The following EYS variants were observed in gnomAD, a reference collection of about 807,000 sequenced individuals.
EYS encodes EGF-like photoreceptor maintenance factor.
A neutral mutation model predicts 282.1 loss-of-function variants in EYS; 250 were observed. That is an observed-to-expected ratio of 0.89 (90% CI 0.80 to 0.98). EYS has a LOEUF of 0.98. EYS is among the 50% of genes least tolerant of loss of function. The pLI is 0.00. For missense variants in EYS, 4,016 were observed against 3,709.0 expected (o/e 1.08, Z -2.15); for synonymous variants, 1,355 against 1,282.9 (o/e 1.06, Z -1.20).
intron 12 of EYS, among the ~76,000 whole-genome samples, chr6:65,199,639 A>C (rs1186932271): frequency 2.0e-5 from 3 of 152,154 alleles, no homozygotes; most frequent in Admixed American, 6.5e-5. Flanking sequence ...TGTAGATAAC[A>C]TTATTCTGTT....
intron 12 of EYS, among the ~76,000 whole-genome samples, chr6:65,109,530 G>T (rs1424072900): frequency 6.6e-6 from 1 of 151,808 alleles, no homozygotes; most frequent in South Asian, 2.1e-4. Flanking sequence ...TGTGCTTAAG[G>T]TATTAGTTGG....
chr6:65,628,103 CCA>C (rs1010002412), intron 2 of EYS, among the ~76,000 whole-genome samples: 4 of 152,072 alleles, frequency 2.6e-5, no homozygotes, highest in African/African-American at 9.7e-5. Context: ...TGTGAGTGCA[CCA>C]GTGGACACTC....
intron 22 of EYS, among the ~76,000 whole-genome samples, chr6:64,627,505 T>C (rs1767645286): frequency 6.6e-6 from 1 of 152,200 alleles, no homozygotes; most frequent in Non-Finnish European, 1.5e-5. Flanking sequence ...TACTGAAAAC[T>C]TATTCACAAT....
intron 2 of EYS, among the ~76,000 whole-genome samples, chr6:65,610,011 G>A (rs903321277): frequency 6.6e-6 from 1 of 151,992 alleles, no homozygotes; most frequent in African/African-American, 2.4e-5. Flanking sequence ...GTATCCTTTC[G>A]AATCAGCCTC....
At chr6:63,724,004 A>G (rs1288497422) in intron 42 of EYS, among the ~76,000 whole-genome samples, 11 of 151,816 alleles carry the variant, frequency 7.2e-5, no homozygotes, top group Non-Finnish European at 1.5e-5. Flanking sequence ...GCGAGGTTTT[A>G]CCATGTTGGC....
At chr6:65,348,340 C>T (rs1417144237) in intron 9 of EYS, among the ~76,000 whole-genome samples, 1 of 151,766 alleles carries the variant, frequency 6.6e-6, no homozygotes, top group African/African-American at 2.4e-5. Context: ...TACTAATTTA[C>T]ATTCCCACCA....
intron 35 of EYS, among the ~76,000 whole-genome samples, chr6:63,926,316 G>T (rs1281516387): frequency 6.6e-6 from 1 of 152,128 alleles, no homozygotes; most frequent in Non-Finnish European, 1.5e-5. Context: ...GGAACAATTG[G>T]CTTTTTCTTC....
intron 13 of EYS, among the ~76,000 whole-genome samples, chr6:65,021,082 C>T (rs1229607109): frequency 6.6e-6 from 1 of 152,142 alleles, no homozygotes; most frequent in African/African-American, 2.4e-5. Context: ...TCTGACATGT[C>T]CTAGAGACAC....
rs914342076 is a variant in EYS at position 65,256,425 on chromosome 6, C to A, written c.2023+39438G>T. On this transcript the variant is annotated intron_variant, in intron 12 of 42. Coordinates refer to ENST00000503581, the MANE Select transcript of EYS (RefSeq NM_001142800.2). ...CCAATGCTATCCCTCCCGCCTCCCC[C>A]CTCCCCACCACAGTCCCCAGAGTGT... Among the ~76,000 whole-genome samples, 6 of 138,774 alleles carry A rather than the reference C, an allele frequency of 4.3e-5. No individual in the cohort carries two copies. In the East Asian group the frequency reaches 8.5e-4, roughly 20 times the overall value. 91.0% of individuals were successfully genotyped at this position (138,774 alleles called of 152,430 possible).
chr6:64,672,904 G>T (rs1562125940), intron 22 of EYS, among the ~76,000 whole-genome samples: 2 of 152,052 alleles, frequency 1.3e-5, no homozygotes, highest in Middle Eastern at 3.2e-3. Flanking sequence ...ATGAAATATT[G>T]CCAGCATTCT....
At chr6:65,575,993 G>T (rs531262046) in intron 2 of EYS, among the ~76,000 whole-genome samples, 2 of 152,140 alleles carry the variant, frequency 1.3e-5, no homozygotes, top group South Asian at 4.1e-4. Flanking sequence ...TGGTTTCAGT[G>T]CTGAATTCTA....
chr6:64,592,018 T>C, intron 25 of EYS, 29 bp from the exon 26 acceptor site: 1 of 1,430,402 alleles, frequency 7.0e-7, no homozygotes, highest in Non-Finnish European at 9.2e-7. Flanking sequence ...CCAAAAAGGT[T>C]AGAAAAATGA....
intron 28 of EYS, among the ~76,000 whole-genome samples, chr6:64,431,167 A>G (rs950870692): frequency 6.6e-6 from 1 of 151,950 alleles, no homozygotes; most frequent in Non-Finnish European, 1.5e-5. Context: ...CTGCCTCCCT[A>G]TTTTTTTGAT....
intron 26 of EYS, among the ~76,000 whole-genome samples, chr6:64,519,865 G>A (rs902164719): frequency 6.6e-6 from 1 of 151,784 alleles, no homozygotes; most frequent in Admixed American, 6.6e-5. Context: ...GTATCTGTTG[G>A]AATTTTTATA....
intron 1 of EYS, among the ~76,000 whole-genome samples, chr6:65,693,053 G>C (rs1769300285): frequency 6.7e-6 from 1 of 149,790 alleles, no homozygotes; most frequent in Non-Finnish European, 1.5e-5. Context: ...TTGTAAAATG[G>C]TCTTCATAAG....
At chr6:64,386,799 G>A (rs1323473703) in intron 29 of EYS, among the ~76,000 whole-genome samples, 1 of 151,712 alleles carries the variant, frequency 6.6e-6, no homozygotes, top group Non-Finnish European at 1.5e-5. Flanking sequence ...CACCCTTATT[G>A]CCAAAATACC....
At chr6:64,181,985 T>C (rs1397219679) in intron 31 of EYS, among the ~76,000 whole-genome samples, 1 of 152,146 alleles carries the variant, frequency 6.6e-6, no homozygotes, top group African/African-American at 2.4e-5. Context: ...CAGGTGTCAT[T>C]CAATCATTGT....
At chr6:65,339,610 G>T (rs1770123147) in intron 10 of EYS, among the ~76,000 whole-genome samples, 1 of 151,080 alleles carries the variant, frequency 6.6e-6, no homozygotes, top group African/African-American at 2.4e-5. Context: ...GGCATACACT[G>T]GGGTCTTGGA....
intron 8 of EYS, among the ~76,000 whole-genome samples, chr6:65,377,145 G>A (rs1426926354): frequency 6.6e-6 from 1 of 152,040 alleles, no homozygotes; most frequent in African/African-American, 2.4e-5. Context: ...CTCAACAAAT[G>A]CAAAAGAATG....
Sources: allele counts gnomAD v4.1 joint callset (sites outside exome capture counted in the v4.1 genomes callset), GRCh38; gene constraint gnomAD v4.1.1; transcripts MANE v1.5; gene names NCBI Gene and HGNC (gene_info 2026-07-23, HGNC 2026-07-21).